The following HERC3 variants were observed in gnomAD, a reference collection of about 807,000 sequenced individuals.
HERC3 encodes HECT and RLD domain containing E3 ubiquitin protein ligase 3.
HERC3 carries 58 observed loss-of-function variants against 129.9 expected under a neutral mutation model. The observed-to-expected ratio is 0.45, with a 90% CI of 0.36 to 0.56. The LOEUF is 0.56. Among genes scored for constraint, HERC3 ranks in the 20% least tolerant of loss-of-function variants. The probability of loss-of-function intolerance (pLI) is 0.00; values close to 1 mark genes in which losing one functional copy is unlikely to be tolerated. For missense variants in HERC3, 835 were observed against 1,244.2 expected (o/e 0.67, Z 4.95); for synonymous variants, 430 against 451.0 (o/e 0.95, Z 0.59).
chr4:88,682,147 A>G (rs3017913), intron 21 of HERC3, among the ~76,000 whole-genome samples: 67,223 of 152,044 alleles, frequency 0.44, 18,024 homozygotes, highest in African/African-American at 0.75. Context: ...TATGAATAAT[A>G]CTGCCATGAA....
the HERC3 span, among the ~76,000 whole-genome samples, chr4:88,558,261 C>T: frequency 2.0e-5 from 3 of 151,968 alleles, no homozygotes; most frequent in African/African-American, 4.8e-5. Flanking sequence ...AAGTGCCCCT[C>T]GACCAATGAG....
chr4:88,622,448 T>A (rs570727834), intron 3 of HERC3, among the ~76,000 whole-genome samples: 1 of 151,598 alleles, frequency 6.6e-6, no homozygotes, highest in African/African-American at 2.4e-5. Flanking sequence ...GTGAACGTTT[T>A]TACACAATTT....
chr4:88,639,291 C>G (rs1020549945), intron 3 of HERC3, among the ~76,000 whole-genome samples: 1 of 152,136 alleles, frequency 6.6e-6, no homozygotes, highest in African/African-American at 2.4e-5. Flanking sequence ...CAAGGCAATC[C>G]TAAGCAGAAA....
intron 22 of HERC3, 129 bp from the exon 23 acceptor site, chr4:88,687,088 T>C (rs1008064278): frequency 5.7e-6 from 4 of 696,468 alleles, no homozygotes; most frequent in African/African-American, 1.8e-5. Flanking sequence ...TTCTGATTAT[T>C]CTCCCACTAA....
intron 13 of HERC3, 136 bp downstream of exon 13, chr4:88,667,624 A>G (rs776365348): frequency 4.6e-6 from 3 of 646,548 alleles, no homozygotes; most frequent in Non-Finnish European, 8.0e-6. Flanking sequence ...TACTCTGGGA[A>G]TTAGACCTAC....
intron 23 of HERC3, among the ~76,000 whole-genome samples, chr4:88,688,409 C>T (rs1047740036): frequency 5.3e-5 from 8 of 151,984 alleles, no homozygotes; most frequent in African/African-American, 1.9e-4. Flanking sequence ...GCAGGGATAC[C>T]CATTAGGAGG....
chr4:88,560,236 G>A, the HERC3 span, among the ~76,000 whole-genome samples: 23 of 151,984 alleles, frequency 1.5e-4, no homozygotes, highest in East Asian at 1.9e-4. Context: ...CTGGGATTAC[G>A]GGCATGAGCC....
chr4:88,702,304 G>T (rs1735391127), intron 23 of HERC3, among the ~76,000 whole-genome samples: 1 of 152,148 alleles, frequency 6.6e-6, no homozygotes, highest in Non-Finnish European at 1.5e-5. Flanking sequence ...TAATCCTAAA[G>T]CAGTCCCATG....
chr4:88,688,494 C>A (rs1376253294), intron 23 of HERC3, among the ~76,000 whole-genome samples: 1 of 151,878 alleles, frequency 6.6e-6, no homozygotes, highest in Non-Finnish European at 1.5e-5. Context: ...GTTATATAAC[C>A]AAATAGGAGC....
intron 2 of HERC3, among the ~76,000 whole-genome samples, chr4:88,604,479 C>T (rs1723396921): frequency 6.6e-6 from 1 of 152,232 alleles, no homozygotes; most frequent in South Asian, 2.1e-4. Flanking sequence ...CCTAGGCAGA[C>T]ACTAGTCTAT....
chr4:88,592,639 C>G (rs1449132416), intron 1 of HERC3, 65 bp downstream of exon 1: 1 of 152,228 alleles, frequency 6.6e-6, no homozygotes, highest in African/African-American at 2.4e-5. Context: ...CGCGCTGGGC[C>G]GCGTTCCGCC....
At chr4:88,676,729 A>C (rs1470116021) in intron 18 of HERC3, among the ~76,000 whole-genome samples, 1 of 152,244 alleles carries the variant, frequency 6.6e-6, no homozygotes, top group East Asian at 1.9e-4. Flanking sequence ...ACAATATATA[A>C]ATGAATGAGC....
chr4:88,619,641 C>T (rs1325787320), intron 3 of HERC3, among the ~76,000 whole-genome samples: 1 of 152,096 alleles, frequency 6.6e-6, no homozygotes, highest in South Asian at 2.1e-4. Flanking sequence ...TTTCCTGTGG[C>T]GTAAGGCATC....
chr4:88,540,587 T>C, the HERC3 span, among the ~76,000 whole-genome samples: 1 of 151,930 alleles, frequency 6.6e-6, no homozygotes, highest in East Asian at 1.9e-4. Flanking sequence ...ATTCAGAAAA[T>C]ACAGAGAACA....
the HERC3 span, among the ~76,000 whole-genome samples, chr4:88,576,681 A>G: frequency 6.6e-6 from 1 of 152,136 alleles, no homozygotes; most frequent in South Asian, 2.1e-4. Flanking sequence ...TGGTTACCTA[A>G]TCAAGGCCTC....
intron 23 of HERC3, among the ~76,000 whole-genome samples, chr4:88,688,717 A>G (rs553181201): frequency 4.1e-4 from 63 of 152,334 alleles, no homozygotes; most frequent in Admixed American, 1.8e-3. Flanking sequence ...GAAGTCTTAT[A>G]TGAATATTTT....
At chr4:88,550,689 C>T in the HERC3 span, among the ~76,000 whole-genome samples, 1,771 of 149,862 alleles carry the variant, frequency 0.012, 31 homozygotes, top group African/African-American at 0.041. Flanking sequence ...GAATCAATAT[C>T]GTGAAAATGG....
chr4:88,528,137 G>C, the HERC3 span: 4 of 235,250 alleles, frequency 1.7e-5, no homozygotes, highest in Non-Finnish European at 3.5e-5. Context: ...CAAACAGCCA[G>C]ATTGATAAAA....
chr4:88,578,907 A>G, the HERC3 span, among the ~76,000 whole-genome samples: 1 of 152,182 alleles, frequency 6.6e-6, no homozygotes, highest in African/African-American at 2.4e-5. Flanking sequence ...CCCCTACAAA[A>G]AATGCTGTAG....
Sources: gnomAD v4.1 joint callset for allele counts (sites outside exome capture counted in the v4.1 genomes callset) on GRCh38, gnomAD v4.1.1 for gene constraint, MANE v1.5 for transcripts, NCBI Gene and HGNC (gene_info 2026-07-23, HGNC 2026-07-21) for gene names.